The following DCSTAMP variants were observed in gnomAD, a reference collection of about 807,000 sequenced individuals.
The protein encoded by DCSTAMP is dendritic cell-specific transmembrane protein.
Under a neutral mutation model 33.8 loss-of-function variants are expected in DCSTAMP, and 25 were observed. The ratio of observed to expected loss-of-function variants is 0.74; its 90% CI spans 0.54 to 1.03. The LOEUF is 1.03. Ranked by LOEUF, DCSTAMP falls within the 50% of genes least tolerant of loss-of-function variation. DCSTAMP has a pLI of 0.00. For missense variants in DCSTAMP, 531 were observed against 556.8 expected (o/e 0.95, Z 0.47); for synonymous variants, 245 against 216.7 (o/e 1.13, Z -1.15).
In DCSTAMP at chr8:104,355,230, A is replaced by G. The variant is rs758594966; in HGVS notation, c.1338+45A>G. ...GTAACCTCCAATTGAGGAAGTGTTG[A>G]GTTTGGAGGGAAATGGGAAAGGGGA... is the stretch of plus-strand genomic sequence containing the variant. On this transcript the variant is annotated intron_variant, in intron 3 of 3. Transcript: ENST00000297581. 3.2e-6 allele frequency: 5 copies of G among 1,559,994 alleles called. No homozygotes were observed. The African/African-American group carries it at 5.5e-5, about 17-fold the overall frequency.
rs1810629598 is a variant in DCSTAMP, at chr8:104,356,518, CA to C, written c.*321del. 3 of 175,432 alleles carry C rather than the reference CA, an allele frequency of 1.7e-5. No homozygotes were observed. The highest frequency in any genetic ancestry group is 3.6e-5 in the Non-Finnish European group (3 of 83,446). The allele number at this position is 175,432 out of a possible 1,614,324, so 10.9% of individuals were successfully genotyped here. A position where few individuals can be genotyped will look rare whatever the true frequency, so the allele number is the denominator to read the frequency against. On this transcript the variant is annotated 3_prime_UTR_variant, in exon 4 of 4. Transcript: ENST00000297581. ...ATGTTCAAGGAAAAGAAAACGAAAA[CA>C]GTTTAAATCTCTACCACAGCCTCAC...
chr8:104,349,704 A>G (rs1366037043), intron 2 of DCSTAMP, 123 bp downstream of exon 2: 9 of 1,124,838 alleles, frequency 8.0e-6, no homozygotes, highest in Middle Eastern at 3.0e-4. Flanking sequence ...GGTGCCCAGC[A>G]TAGTGCTTGG....
intron 1 of DCSTAMP, among the ~76,000 whole-genome samples, chr8:104,346,224 A>G (rs146810765): frequency 1.3e-5 from 2 of 152,364 alleles, no homozygotes; most frequent in East Asian, 3.9e-4. Context: ...GGGAATTATC[A>G]TCTTTTAGGG....
chr8:104,345,994 G>T (rs560409712), intron 1 of DCSTAMP, among the ~76,000 whole-genome samples: 17 of 152,302 alleles, frequency 1.1e-4, no homozygotes, highest in Non-Finnish European at 1.9e-4. Flanking sequence ...GTCACATCAC[G>T]CAGAGCCATG....
intron 1 of DCSTAMP, among the ~76,000 whole-genome samples, chr8:104,346,867 A>G (rs768493640): frequency 2.5e-4 from 38 of 152,366 alleles, no homozygotes; most frequent in Non-Finnish European, 5.1e-4. Context: ...CTCAGTTCAC[A>G]ACCTCTATCC....
At position 104,349,108 on chromosome 8, in the gene DCSTAMP, C is replaced by T. The variant is rs1564065855; in HGVS notation, c.556C>T (p.Leu186=). The change falls in exon 2 of 4, where the codon CTA becomes TTA. Residue 186 remains leucine (L), a synonymous_variant. Coordinates refer to ENST00000297581, the MANE Select transcript of DCSTAMP (RefSeq NM_030788.4). The part of the protein sequence containing the change: ...FSPSHVLEAQ[L]NDSKGEVLSV... Reference sequence around the variant, plus strand: ...TCCCAGCCATGTCCTGGAGGCACAGCTAAATGACAGCAAAGGGGAAGTCCT... The same window carrying T: ...TCCCAGCCATGTCCTGGAGGCACAGTTAAATGACAGCAAAGGGGAAGTCCT... 8 of 1,614,036 alleles carry T rather than the reference C, an allele frequency of 5.0e-6. No homozygotes were observed. The highest frequency in any genetic ancestry group is 6.8e-6 in the Non-Finnish European group (8 of 1,180,048).
intron 1 of DCSTAMP, among the ~76,000 whole-genome samples, chr8:104,343,097 A>G (rs2099383226): frequency 6.6e-6 from 1 of 152,198 alleles, no homozygotes; most frequent in Non-Finnish European, 1.5e-5. Flanking sequence ...TCCTGGGAAT[A>G]TAGTTCAACC....
At chr8:104,355,327 AAT>A in intron 3 of DCSTAMP, 142 bp downstream of exon 3, 1 of 811,158 alleles carries the variant, frequency 1.2e-6, no homozygotes. Context: ...ATTGAGGAAA[AAT>A]GAACAAACGT....
In DCSTAMP at chr8:104,349,252, T is replaced by C. The variant is rs1257250408; in HGVS notation, c.700T>C (p.Phe234Leu). Residue 234 changes from phenylalanine (F) to leucine (L), a missense_variant, in exon 2 of 4, where the codon TTT (phenylalanine) becomes CTT (leucine). Coordinates refer to ENST00000297581, the MANE Select transcript of DCSTAMP (RefSeq NM_030788.4). Reference sequence around the variant, plus strand: ...TGGCACTGGCCTCTTCATGAAGCGATTTTTGGGCCCTTGTGGTTGGAAGTA... The same window carrying C: ...TGGCACTGGCCTCTTCATGAAGCGACTTTTGGGCCCTTGTGGTTGGAAGTA... Reference protein sequence around the residue: ...LLGTGLFMKRFLGPCGWKYEN... With the variant: ...LLGTGLFMKRLLGPCGWKYEN... The C allele has an allele frequency of 1.2e-6, 2 of 1,614,050 alleles. No individual in the cohort carries two copies.
At chr8:104,345,606 G>C (rs1029965467) in intron 1 of DCSTAMP, among the ~76,000 whole-genome samples, 1 of 152,120 alleles carries the variant, frequency 6.6e-6, no homozygotes, top group Non-Finnish European at 1.5e-5. Flanking sequence ...ATTGCAGAAC[G>C]TTAAAATGTT....
chr8:104,345,631 T>G (rs1255767792), intron 1 of DCSTAMP, among the ~76,000 whole-genome samples: 1 of 152,218 alleles, frequency 6.6e-6, no homozygotes, highest in Non-Finnish European at 1.5e-5. Context: ...TGTCCATAAA[T>G]CTTTTTCATA....
rs1810405329 is a variant in DCSTAMP, at chr8:104,349,414, A to G, written c.862A>G (p.Lys288Glu). 1 of 1,614,070 alleles carries G rather than the reference A, an allele frequency of 6.2e-7. No individual in the cohort carries two copies. The highest frequency in any genetic ancestry group is 1.3e-5 in the African/African-American group (1 of 74,920). ...CATCCCGACTTTCTGGCCGACTCCTAAAGAAAGGAAAAACCTGGGGCTGTT... is the reference window on the plus strand; with the variant it reads ...CATCCCGACTTTCTGGCCGACTCCTGAAGAAAGGAAAAACCTGGGGCTGTT... ...VIIPTFWPTP[K>E]ERKNLGLFFL... The change falls in exon 2 of 4, where the codon AAA (lysine) becomes GAA (glutamate). Residue 288 changes from lysine (K) to glutamate (E), a missense_variant. Physicochemically the swap from Lys to Glu is moderately conservative, Grantham distance 56 (BLOSUM62 1). Transcript: ENST00000297581.
chr8:104,348,458 A>T (rs1810372387), intron 1 of DCSTAMP, 83 bp from the exon 2 acceptor site: 21 of 1,367,328 alleles, frequency 1.5e-5, no homozygotes, highest in Non-Finnish European at 2.1e-5. Flanking sequence ...CGTTTTTTGT[A>T]GTCAGTCTAC....
chr8:104,347,030 C>T (rs977865322), intron 1 of DCSTAMP, among the ~76,000 whole-genome samples: 1 of 152,238 alleles, frequency 6.6e-6, no homozygotes, highest in Non-Finnish European at 1.5e-5. Context: ...AAATCCCATA[C>T]ATATGATATA....
chr8:104,350,108 C>A (rs1158689280), intron 2 of DCSTAMP, among the ~76,000 whole-genome samples: 1 of 152,184 alleles, frequency 6.6e-6, no homozygotes, highest in Admixed American at 6.5e-5. Flanking sequence ...ATTTCTCTAT[C>A]TCAAGATCTT....
rs753322253 is a variant in DCSTAMP, at chr8:104,349,130, TC to T, written c.580del (p.Leu194Ter). Reference sequence around the variant, plus strand: ...CAGCTAAATGACAGCAAAGGGGAAGTCCTGAGCGTCTTGTACCAGATGGCAA... The same window carrying T: ...CAGCTAAATGACAGCAAAGGGGAAGTCTGAGCGTCTTGTACCAGATGGCAA... ...EAQLNDSKGE[V>X]LSVLYQMATT... is the part of the protein sequence containing the mutation. On this transcript the variant is annotated frameshift_variant, in exon 2 of 4. Coordinates refer to ENST00000297581, the MANE Select transcript of DCSTAMP (RefSeq NM_030788.4). LOFTEE classifies it high-confidence loss of function. 2 of 1,614,042 alleles carry T rather than the reference TC, an allele frequency of 1.2e-6. No individual in the cohort carries two copies. Among genetic ancestry groups the T allele is most frequent in the African/African-American group, 2.7e-5 (2 of 74,918 alleles).
At chr8:104,347,914 C>T (rs1810355055) in intron 1 of DCSTAMP, among the ~76,000 whole-genome samples, 1 of 152,024 alleles carries the variant, frequency 6.6e-6, no homozygotes, top group African/African-American at 2.4e-5. Context: ...TTCACAAGGG[C>T]TCTTATAAGA....
intron 1 of DCSTAMP, among the ~76,000 whole-genome samples, chr8:104,342,849 T>G (rs1481180019): frequency 6.6e-6 from 1 of 152,088 alleles, no homozygotes; most frequent in Non-Finnish European, 1.5e-5. Flanking sequence ...GTTTAAGGGG[T>G]GAGCAAGGTG....
intron 2 of DCSTAMP, among the ~76,000 whole-genome samples, chr8:104,350,222 G>A (rs970027244): frequency 3.9e-5 from 6 of 152,144 alleles, no homozygotes; most frequent in Admixed American, 2.0e-4. Flanking sequence ...GCCTCCTACA[G>A]TCAACAAACA....
Sources: allele counts gnomAD v4.1 joint callset (sites outside exome capture counted in the v4.1 genomes callset), GRCh38; gene constraint gnomAD v4.1.1; transcripts MANE v1.5; gene names NCBI Gene and HGNC (gene_info 2026-07-23, HGNC 2026-07-21).